TDRD12: variants seen among roughly 807,000 people sequenced by gnomAD.
TDRD12 encodes the protein tudor domain containing 12.
TDRD12 carries 158 observed loss-of-function variants against 133.5 expected under a neutral mutation model. The observed-to-expected ratio is 1.18, with a 90% CI of 1.04 to 1.35. The LOEUF is 1.35. Among genes scored for constraint, TDRD12 ranks in the 40% most tolerant of loss-of-function variants. The pLI, the probability that TDRD12 is intolerant of heterozygous loss-of-function variation, is 0.00. For missense variants in TDRD12, 1,443 were observed against 1,321.3 expected (o/e 1.09, Z -1.43); for synonymous variants, 460 against 477.9 (o/e 0.96, Z 0.49).
intron 21 of TDRD12, 109 bp downstream of exon 21, chr19:32,803,251 G>T: frequency 1.2e-6 from 1 of 820,916 alleles, no homozygotes. Context: ...CACCCACTCT[G>T]AGGGAGCAGT....
At chr19:32,793,956 G>A (rs545043626) in intron 13 of TDRD12, among the ~76,000 whole-genome samples, 4 of 144,054 alleles carry the variant, frequency 2.8e-5, no homozygotes, top group African/African-American at 7.9e-5. Flanking sequence ...CACCACGCCC[G>A]GCTAATTTTC....
chr19:32,826,807 C>T, intron 9 of TDRD12, 58 bp downstream of exon 32: 2 of 1,039,886 alleles, frequency 1.9e-6, no homozygotes, highest in East Asian at 6.5e-5. Context: ...CAGTGAGGGA[C>T]ACCATCACCC....
chr19:32,794,417 TTTAA>T (rs1364295274), intron 13 of TDRD12, among the ~76,000 whole-genome samples: 1 of 152,108 alleles, frequency 6.6e-6, no homozygotes, highest in Non-Finnish European at 1.5e-5. Flanking sequence ...GCAAGAATCT[TTTAA>T]TGGGAGTCTT....
Position 32,811,325 on chromosome 19 carries a change from C to A in TDRD12, c.2953C>A (p.Leu985Ile), listed in dbSNP as rs1233294685. 2.0e-6 allele frequency: 3 copies of A among 1,536,118 alleles called. No individual in the cohort carries two copies. In the South Asian group the frequency reaches 3.6e-5, roughly 18 times the overall value. ...CGTCACAAGGGACCAGCTGCTGCAT[C>A]TCCCAGAACATTTCCACACACTTCC... Residue 985 changes from leucine to isoleucine, a missense_variant, in exon 24 of 28, where the codon CTC (leucine) becomes ATC (isoleucine). Physicochemically the swap from Leu to Ile is conservative, Grantham distance 5. Coordinates refer to ENST00000444215, the Ensembl canonical transcript of TDRD12.
At chr19:32,764,724 T>G (rs1970245998) in intron 8 of TDRD12, among the ~76,000 whole-genome samples, 1 of 152,346 alleles carries the variant, frequency 6.6e-6, no homozygotes, top group South Asian at 2.1e-4. Context: ...ACTATAATTG[T>G]CTTGTTTTCT....
At chr19:32,826,138 A>T (rs1314639968), downstream of TDRD12, 1 of 1,535,892 alleles carries the variant, frequency 6.5e-7, no homozygotes, top group Non-Finnish European at 8.7e-7. Context: ...TCATTAGCAG[A>T]ACTGCACAGC....
exon 21 of TDRD12, chr19:32,803,120 C>T: frequency 6.6e-7 from 1 of 1,520,262 alleles, no homozygotes; most frequent in Non-Finnish European, 8.7e-7. Flanking sequence ...TTGTCCATAT[C>T]TGAAGGCTTT....
chr19:32,748,009 T>C (rs943640866), intron 4 of TDRD12, among the ~76,000 whole-genome samples: 1 of 152,080 alleles, frequency 6.6e-6, no homozygotes, highest in Non-Finnish European at 1.5e-5. Context: ...AGAGAGACCC[T>C]GTCTCAAAAA....
intron 11 of TDRD12, among the ~76,000 whole-genome samples, chr19:32,777,691 C>T (rs1007348108): frequency 6.6e-6 from 1 of 150,608 alleles, no homozygotes; most frequent in Non-Finnish European, 1.5e-5. Context: ...GTCATTTAGG[C>T]TGGAGTGCAG....
chr19:32,782,555 A>G (rs1032933894), intron 11 of TDRD12, among the ~76,000 whole-genome samples: 2 of 152,202 alleles, frequency 1.3e-5, no homozygotes, highest in Non-Finnish European at 2.9e-5. Context: ...GTCTTCCATG[A>G]TGGTTGAACT....
chr19:32,747,657 G>A (rs963335278), intron 4 of TDRD12, among the ~76,000 whole-genome samples: 1 of 152,078 alleles, frequency 6.6e-6, no homozygotes, highest in African/African-American at 2.4e-5. Context: ...AGATGACAGG[G>A]GTAAAATGGG....
exon 10 of TDRD12, chr19:32,828,780 G>A (rs1967667299): frequency 6.6e-6 from 1 of 152,228 alleles, no homozygotes; most frequent in Non-Finnish European, 1.5e-5. Flanking sequence ...CCCTCATTGT[G>A]TGGCCTGGCC....
At chr19:32,723,106 CTG>C (rs901354957) in intron 1 of TDRD12, among the ~76,000 whole-genome samples, 2 of 152,198 alleles carry the variant, frequency 1.3e-5, no homozygotes, top group African/African-American at 4.8e-5. Flanking sequence ...GATTATCTAA[CTG>C]TTCCAACATC....
chr19:32,747,979 C>CA (rs1969704872), intron 4 of TDRD12, among the ~76,000 whole-genome samples: 2 of 152,154 alleles, frequency 1.3e-5, no homozygotes, highest in Admixed American at 1.3e-4. Flanking sequence ...CATGCCACTG[C>CA]ACTCCAGCCT....
chr19:32,756,191 T>C lies in TDRD12; in HGVS notation c.772+10T>C, dbSNP rs749384601. 8 of 1,406,404 alleles carry C rather than the reference T, an allele frequency of 5.7e-6. No individual in the cohort carries two copies. Among genetic ancestry groups the C allele is most frequent in the Non-Finnish European group, 7.4e-6 (8 of 1,082,998 alleles). 87.1% of individuals were successfully genotyped at this position (1,406,404 alleles called of 1,614,324 possible). On this transcript the variant is annotated intron_variant, in intron 7 of 27. Coordinates refer to ENST00000444215, the Ensembl canonical transcript of TDRD12. ...GTTCAAGGAATGGAAGGTGAGTAGATTCTCATCATATCAATTTCCCTTACA... is the reference window on the plus strand; with the variant it reads ...GTTCAAGGAATGGAAGGTGAGTAGACTCTCATCATATCAATTTCCCTTACA...
chr19:32,794,651 G>A (rs548172174), exon 14 of TDRD12: 12 of 702,344 alleles, frequency 1.7e-5, no homozygotes, highest in African/African-American at 7.0e-5. Context: ...ATAAGTTTCC[G>A]GGCCCCAGCC....
At chr19:32,797,926 A>T (rs1215506311) in intron 15 of TDRD12, 35 bp downstream of exon 15, 1 of 666,052 alleles carries the variant, frequency 1.5e-6, no homozygotes, top group African/African-American at 1.8e-5. Flanking sequence ...TAAAAGTTAA[A>T]GTATCCTTTT....
At chr19:32,802,604 G>GT (rs1971430896) in intron 19 of TDRD12, 52 bp from the exon 20 acceptor site, 3 of 1,515,328 alleles carry the variant, frequency 2.0e-6, no homozygotes, top group African/African-American at 1.4e-5. Context: ...GCCGGTTAAA[G>GT]TAAGTGCGGT....
intron 21 of TDRD12, 135 bp from the exon 22 acceptor site, chr19:32,807,414 G>A (rs1450784208): frequency 2.1e-6 from 1 of 485,480 alleles, no homozygotes; most frequent in Non-Finnish European, 3.5e-6. Flanking sequence ...TATTTAATGT[G>A]GTTATTCAGT....
Sources: gnomAD v4.1 joint callset for allele counts (sites outside exome capture counted in the v4.1 genomes callset) on GRCh38, gnomAD v4.1.1 for gene constraint, MANE v1.5 for transcripts, NCBI Gene and HGNC (gene_info 2026-07-23, HGNC 2026-07-21) for gene names.